Variants in TRIO observed in about 807,000 individuals in gnomAD.
TRIO encodes triple functional domain protein.
TRIO carries 58 observed loss-of-function variants against 351.9 expected under a neutral mutation model. The ratio of observed to expected loss-of-function variants is 0.16; its 90% CI spans 0.13 to 0.21. The LOEUF is 0.21. Ranked by LOEUF, TRIO falls within the 10% of genes least tolerant of loss-of-function variation. TRIO has a pLI of 1.00. For synonymous variants in TRIO, 1,758 were observed against 1,595.7 expected (o/e 1.10, Z -2.42); for missense variants, 3,201 against 4,027.8 (o/e 0.79, Z 5.56).
At chr5:14,193,973 C>T (rs531167420) in intron 1 of TRIO, among the ~76,000 whole-genome samples, 1 of 152,126 alleles carries the variant, frequency 6.6e-6, no homozygotes, top group East Asian at 1.9e-4. Context: ...GTCTTATCTT[C>T]CCGGTAGTTT....
chr5:14,285,574 A>T (rs1396541025), intron 3 of TRIO, among the ~76,000 whole-genome samples: 1 of 152,068 alleles, frequency 6.6e-6, no homozygotes, highest in Non-Finnish European at 1.5e-5. Flanking sequence ...TAGGGGAGTG[A>T]GCCTATGTAA....
At chr5:14,181,847 C>T (rs1299052264) in intron 1 of TRIO, among the ~76,000 whole-genome samples, 1 of 152,094 alleles carries the variant, frequency 6.6e-6, no homozygotes, top group East Asian at 1.9e-4. Flanking sequence ...CTTTTGCATC[C>T]CCACTTGCCC....
intron 8 of TRIO, among the ~76,000 whole-genome samples, chr5:14,306,444 C>A (rs1738375248): frequency 6.6e-6 from 1 of 152,202 alleles, no homozygotes; most frequent in African/African-American, 2.4e-5. Flanking sequence ...CCATCAAGTT[C>A]TTTCCCGTGA....
At chr5:14,162,695 C>A (rs937254642) in intron 1 of TRIO, among the ~76,000 whole-genome samples, 4 of 152,208 alleles carry the variant, frequency 2.6e-5, no homozygotes, top group Admixed American at 2.0e-4. Context: ...TAATCGTATT[C>A]CTTTGCAAGT....
intron 1 of TRIO, among the ~76,000 whole-genome samples, chr5:14,231,068 G>T (rs1390057779): frequency 6.6e-6 from 1 of 152,182 alleles, no homozygotes; most frequent in African/African-American, 2.4e-5. Flanking sequence ...ACAGGAAAAA[G>T]AATTCTTGTC....
At chr5:14,281,424 A>ACCCCCCCCCCCCCCC (rs3061076) in intron 3 of TRIO, among the ~76,000 whole-genome samples, 3 of 89,332 alleles carry the variant, frequency 3.4e-5, no homozygotes, top group African/African-American at 4.7e-5. Flanking sequence ...AGCCGTTAGA[A>ACCCCCCCCCCCCCCC]CCCCCCCCCC....
intron 34 of TRIO, among the ~76,000 whole-genome samples, chr5:14,433,323 T>C (rs1380891744): frequency 6.6e-6 from 1 of 152,200 alleles, no homozygotes; most frequent in East Asian, 1.9e-4. Context: ...GGAACTCCTG[T>C]GCTGAATGGA....
intron 31 of TRIO, among the ~76,000 whole-genome samples, chr5:14,403,590 TGGTGAGGGTGCAGGTTGTGAG>T (rs1748385701): frequency 8.5e-6 from 1 of 117,006 alleles, no homozygotes; most frequent in Admixed American, 8.7e-5. Context: ...TAGGTTGTGG[TGGTGAGGGTGCAGGTTGTGAG>T]GGTGAGGGTG....
intron 11 of TRIO, among the ~76,000 whole-genome samples, chr5:14,341,177 A>C (rs1229802523): frequency 1.3e-5 from 2 of 152,108 alleles, no homozygotes; most frequent in Non-Finnish European, 2.9e-5. Flanking sequence ...TGTGTATGGC[A>C]TTTATTCACA....
At chr5:14,337,354 A>G (rs1436366111) in intron 11 of TRIO, among the ~76,000 whole-genome samples, 1 of 152,230 alleles carries the variant, frequency 6.6e-6, no homozygotes, top group African/African-American at 2.4e-5. Flanking sequence ...GTAGCTTCTG[A>G]GGAAAAAATA....
At chr5:14,200,003 G>A (rs1250178448) in intron 1 of TRIO, among the ~76,000 whole-genome samples, 1 of 152,178 alleles carries the variant, frequency 6.6e-6, no homozygotes, top group Non-Finnish European at 1.5e-5. Context: ...CTGAAGTAGC[G>A]TCAGCTGGTT....
intron 36 of TRIO, among the ~76,000 whole-genome samples, chr5:14,463,878 GCACTCCTCT>G (rs1754022461): frequency 2.0e-5 from 3 of 152,110 alleles, no homozygotes; most frequent in Admixed American, 1.3e-4. Flanking sequence ...GTCAAATCAT[GCACTCCTCT>G]TAACCCAAGG....
At chr5:14,310,635 A>G (rs1738832859) in intron 8 of TRIO, among the ~76,000 whole-genome samples, 1 of 152,198 alleles carries the variant, frequency 6.6e-6, no homozygotes, top group Non-Finnish European at 1.5e-5. Context: ...TCTTAAAACC[A>G]AAAAACCACC....
Position 14,336,669 on chromosome 5 carries a change from T to C in TRIO, c.1988T>C (p.Val663Ala). 1 of 1,614,208 alleles carries C rather than the reference T, an allele frequency of 6.2e-7. No homozygotes were observed. The highest frequency in any genetic ancestry group is 8.5e-7 in the Non-Finnish European group (1 of 1,180,042). The change falls in exon 11 of 57, where the codon GTT becomes GCT. Residue 663 changes from valine (V) to alanine (A), a missense_variant. Val to Ala is a moderately conservative substitution (Grantham distance 64, BLOSUM62 0). Around this residue, in one of 19 missense-constraint regions of TRIO, gnomAD observed 363 missense variants for 553.5 expected, o/e 0.66. Coordinates refer to ENST00000344204, the MANE Select transcript of TRIO (RefSeq NM_007118.4). ...EDRIQDFVRR[V>A]EQRKILLDMS... is the part of the protein sequence containing the mutation. The stretch of plus-strand genomic sequence containing the variant: ...CGGATTCAAGATTTCGTTCGGCGTG[T>C]TGAGCAGCGAAAGATCCTACTGGAC...
chr5:14,305,953 G>C (rs1738330951), intron 8 of TRIO, among the ~76,000 whole-genome samples: 1 of 152,338 alleles, frequency 6.6e-6, no homozygotes, highest in Non-Finnish European at 1.5e-5. Flanking sequence ...GTAACATGCT[G>C]TACAGGTTTG....
intron 29 of TRIO, among the ~76,000 whole-genome samples, chr5:14,397,820 A>G (rs1311719965): frequency 6.6e-6 from 1 of 151,908 alleles, no homozygotes; most frequent in African/African-American, 2.4e-5. Context: ...GGCCAAGCAA[A>G]ACAGATTTTT....
intron 1 of TRIO, among the ~76,000 whole-genome samples, chr5:14,158,519 A>G (rs1015838332): frequency 1.3e-5 from 2 of 152,174 alleles, no homozygotes; most frequent in African/African-American, 4.8e-5. Flanking sequence ...TTTTGAGCTA[A>G]TGGAGATGTT....
intron 11 of TRIO, among the ~76,000 whole-genome samples, chr5:14,349,079 A>G (rs557376728): frequency 1.2e-4 from 17 of 144,138 alleles, no homozygotes; most frequent in Non-Finnish European, 2.3e-4. Context: ...GTGTATGCAC[A>G]TGAGCATGTG....
At chr5:14,388,569 A>G (rs1746754706) in intron 23 of TRIO, 44 bp from the exon 24 acceptor site, 1 of 1,560,658 alleles carries the variant, frequency 6.4e-7, no homozygotes, top group East Asian at 2.2e-5. Context: ...TAGTGAAGTA[A>G]GCTGCACCCT....
Sources: gnomAD v4.1 joint callset for allele counts (sites outside exome capture counted in the v4.1 genomes callset) on GRCh38, gnomAD v4.1.1 for gene constraint, gnomAD v4.1.1 regional missense constraint, MANE v1.5 for transcripts, NCBI Gene and HGNC (gene_info 2026-07-23, HGNC 2026-07-21) for gene names.